Variants in MEI4 observed in about 807,000 individuals in gnomAD.
MEI4 encodes meiotic double-stranded break formation protein 4.
MEI4 carries 27 observed loss-of-function variants against 31.4 expected under a neutral mutation model. The observed-to-expected ratio is 0.86, with a 90% CI of 0.63 to 1.19. The LOEUF is 1.19. Among genes scored for constraint, MEI4 ranks in the 50% most tolerant of loss-of-function variants. The pLI is 0.00. For synonymous variants in MEI4, 122 were observed against 145.4 expected (o/e 0.84, Z 1.16); for missense variants, 329 against 398.9 (o/e 0.82, Z 1.49).
intron 2 of MEI4, among the ~76,000 whole-genome samples, chr6:77,731,633 T>C (rs1766995504): frequency 6.6e-6 from 1 of 151,430 alleles, no homozygotes; most frequent in Non-Finnish European, 1.5e-5. Flanking sequence ...TTTAGTTGAA[T>C]TAGATCCCAT....
chr6:77,698,179 T>G (rs558276784), intron 2 of MEI4, among the ~76,000 whole-genome samples: 18 of 152,318 alleles, frequency 1.2e-4, no homozygotes, highest in African/African-American at 4.3e-4. Context: ...TGAGATGAGT[T>G]TCCTGAATAT....
intron 3 of MEI4, among the ~76,000 whole-genome samples, chr6:77,790,921 A>G (rs1424840233): frequency 1.3e-5 from 2 of 152,218 alleles, no homozygotes; most frequent in African/African-American, 4.8e-5. Flanking sequence ...GCCAACGGAC[A>G]CATGAAAAAA....
chr6:77,898,400 T>C (rs367641989), intron 4 of MEI4, among the ~76,000 whole-genome samples: 14 of 152,190 alleles, frequency 9.2e-5, no homozygotes, highest in African/African-American at 2.6e-4. Context: ...CAACTCATTT[T>C]AGTTGTTATT....
At chr6:77,867,565 C>G (rs1411648128) in intron 4 of MEI4, among the ~76,000 whole-genome samples, 2 of 152,178 alleles carry the variant, frequency 1.3e-5, no homozygotes. Flanking sequence ...AGTCAGGAAA[C>G]AACAGGTGCT....
At chr6:77,854,469 A>T (rs916150726) in intron 4 of MEI4, among the ~76,000 whole-genome samples, 8 of 150,554 alleles carry the variant, frequency 5.3e-5, no homozygotes, top group Admixed American at 4.0e-4. Context: ...CTAAATTTCC[A>T]TGGTACTATG....
At chr6:77,666,542 A>T (rs1022210272) in intron 1 of MEI4, among the ~76,000 whole-genome samples, 4 of 152,150 alleles carry the variant, frequency 2.6e-5, no homozygotes, top group African/African-American at 9.7e-5. Flanking sequence ...TCTCCTCAGC[A>T]ACTTTATAAG....
chr6:77,892,228 A>G (rs1041441139), intron 4 of MEI4, among the ~76,000 whole-genome samples: 29 of 152,100 alleles, frequency 1.9e-4, no homozygotes, highest in Non-Finnish European at 8.8e-5. Context: ...TGGTGCTTGC[A>G]TGTCATTGCC....
intron 2 of MEI4, among the ~76,000 whole-genome samples, chr6:77,748,895 C>T (rs924458092): frequency 1.3e-5 from 2 of 152,128 alleles, no homozygotes; most frequent in Non-Finnish European, 2.9e-5. Context: ...CTGGCAGATG[C>T]CCCTCTGGGA....
Position 77,925,754 on chromosome 6 carries a change from C to A in MEI4, c.*2408C>A, listed in dbSNP as rs1766827019. On this transcript the variant is annotated 3_prime_UTR_variant, in exon 5 of 5. Transcript: ENST00000684080. ...TAACTCTTATACTATTTAATATAAG[C>A]TATAATAAATATATGATAATATATT... 1 of 147,446 alleles carries A rather than the reference C, an allele frequency of 6.8e-6. No homozygotes were observed. Among genetic ancestry groups the A allele is most frequent in the African/African-American group, 2.5e-5 (1 of 40,388 alleles). 9.1% of individuals were successfully genotyped at this position (147,446 alleles called of 1,614,324 possible). A position where few individuals can be genotyped will look rare whatever the true frequency, so the allele number is the denominator to read the frequency against.
At chr6:77,826,746 T>C (rs540236152) in intron 3 of MEI4, among the ~76,000 whole-genome samples, 3 of 152,300 alleles carry the variant, frequency 2.0e-5, no homozygotes, top group South Asian at 4.1e-4. Flanking sequence ...AGGGGCAGTG[T>C]TGATCCTTTC....
chr6:77,883,745 A>AT lies in MEI4; in HGVS notation c.901-39344_901-39343insT, dbSNP rs55947073. Among the ~76,000 whole-genome samples, 52 of 82,310 alleles carry AT rather than the reference A, an allele frequency of 6.3e-4. 1 individual carries two copies. Among genetic ancestry groups the AT allele is most frequent in the East Asian group, 1.8e-3 (3 of 1,664 alleles). 54.0% of individuals were successfully genotyped at this position (82,310 alleles called of 152,430 possible). On this transcript the variant is annotated intron_variant, in intron 4 of 4. Coordinates refer to ENST00000684080, the MANE Select transcript of MEI4 (RefSeq NM_001322247.2). ...ATATATATATATATATATATATATA[A>AT]CTTTGTCTTTGTCTATTCATTTATT...
rs1247876878 is a variant in MEI4, at chr6:77,680,128, A to AAAAAAAAAAAAAAAAAAAAAAAAAAAAT, written c.-14-10529_-14-10528insAAAAAAAAAAAAAAAAAAAAAAAAAATA. 2.9e-4 allele frequency among the ~76,000 whole-genome samples: 33 copies of AAAAAAAAAAAAAAAAAAAAAAAAAAAAT among 115,574 alleles called. 4 individuals carry two copies. Among genetic ancestry groups the AAAAAAAAAAAAAAAAAAAAAAAAAAAAT allele is most frequent in the African/African-American group, 7.1e-4 (23 of 32,418 alleles). The allele number at this position is 115,574 out of a possible 152,430, so 75.8% of individuals were successfully genotyped here. On this transcript the variant is annotated intron_variant, in intron 1 of 4. Transcript: ENST00000684080. ...CTACTAAAAATACAAAAAAAAAAAA[A>AAAAAAAAAAAAAAAAAAAAAAAAAAAAT]ATTAGCTGGGCGTGATGGCGGGCGC...
At chr6:77,678,056 C>A (rs548467264) in intron 1 of MEI4, among the ~76,000 whole-genome samples, 13 of 152,044 alleles carry the variant, frequency 8.6e-5, no homozygotes, top group Non-Finnish European at 1.5e-5. Flanking sequence ...AATTGATTAC[C>A]GTGGAGCTGA....
intron 1 of MEI4, among the ~76,000 whole-genome samples, chr6:77,685,267 G>A (rs1431084250): frequency 6.7e-6 from 1 of 149,262 alleles, no homozygotes; most frequent in Non-Finnish European, 1.5e-5. Context: ...TTGTCAGGGG[G>A]ATAGTTTGCA....
intron 1 of MEI4, among the ~76,000 whole-genome samples, chr6:77,679,511 A>G (rs916455181): frequency 1.3e-5 from 2 of 152,246 alleles, no homozygotes; most frequent in Non-Finnish European, 2.9e-5. Context: ...GTGTTCACAC[A>G]GTTATGAAAT....
intron 4 of MEI4, among the ~76,000 whole-genome samples, chr6:77,903,510 CA>C (rs1460585986): frequency 6.6e-6 from 1 of 152,080 alleles, no homozygotes; most frequent in East Asian, 1.9e-4. Context: ...ACAATATTTT[CA>C]ACTTACAATG....
At chr6:77,838,446 T>A (rs779852110) in intron 4 of MEI4, among the ~76,000 whole-genome samples, 8 of 152,070 alleles carry the variant, frequency 5.3e-5, no homozygotes, top group Non-Finnish European at 7.4e-5. Flanking sequence ...AAAATAAAGG[T>A]TGCCTGATTT....
rs548852910 is a variant in MEI4 at position 77,699,658 on chromosome 6, C to G, written c.232+8755C>G. Among the ~76,000 whole-genome samples, 11 of 152,276 alleles carry G rather than the reference C, an allele frequency of 7.2e-5. No homozygotes were observed. The East Asian group carries it at 2.1e-3, about 30-fold the overall frequency. Reference sequence around the variant, plus strand: ...CCTTTGGAGGAGGAGAGGCACTCTGCTTTTTGGAGTTTCCAGGTTTTCTGC... The same window carrying G: ...CCTTTGGAGGAGGAGAGGCACTCTGGTTTTTGGAGTTTCCAGGTTTTCTGC... On this transcript the variant is annotated intron_variant, in intron 2 of 4. Transcript: ENST00000684080.
In MEI4 at chr6:77,748,845, G is replaced by A. The variant is rs912781856; in HGVS notation, c.233-12285G>A. Among the ~76,000 whole-genome samples, 2 of 152,076 alleles carry A rather than the reference G, an allele frequency of 1.3e-5. 1 individual carries two copies. The highest frequency in any genetic ancestry group is 4.2e-4 in the South Asian group (2 of 4,816). ...TTTGAAGTTCAAAGTTCCCAGTAGG[G>A]GCCGACAGACATGTCATACAGGAGA... is the stretch of plus-strand genomic sequence containing the variant. On this transcript the variant is annotated intron_variant, in intron 2 of 4. Transcript: ENST00000684080.
Sources: gnomAD v4.1 joint callset for allele counts (sites outside exome capture counted in the v4.1 genomes callset) on GRCh38, gnomAD v4.1.1 for gene constraint, MANE v1.5 for transcripts, NCBI Gene and HGNC (gene_info 2026-07-23, HGNC 2026-07-21) for gene names.